Variants in GINS1 observed in about 807,000 individuals in gnomAD.
GINS1 encodes GINS complex subunit 1.
A neutral mutation model predicts 34.9 loss-of-function variants in GINS1; 26 were observed. That is an observed-to-expected ratio of 0.74 (90% confidence interval 0.55 to 1.03). The LOEUF (loss-of-function observed/expected upper bound fraction) is 1.03. Among genes scored for constraint, GINS1 ranks in the 50% least tolerant of loss-of-function variants. The probability of loss-of-function intolerance (pLI) is 0.00; values close to 1 mark genes in which losing one functional copy is unlikely to be tolerated. For synonymous variants in GINS1, 97 were observed against 84.4 expected, an observed-to-expected ratio of 1.15 and a Z score of -0.82; for missense variants, 235 against 237.9, an observed-to-expected ratio of 0.99 and a Z score of 0.08.
At chr20:25,411,405 G>A (rs958795947) in intron 1 of GINS1, 26 of 152,328 alleles carry the variant, frequency 1.7e-4, no homozygotes, top group African/African-American at 5.8e-4. Flanking sequence ...ATATGCCACA[G>A]CATTTTTGCC....
intron 6 of GINS1, among the ~76,000 whole-genome samples, 178 bp downstream of exon 6, chr20:25,441,954 G>A (rs1194777633): frequency 6.6e-6 from 1 of 152,086 alleles, no homozygotes; most frequent in Non-Finnish European, 1.5e-5. Flanking sequence ...AGCAAATGTT[G>A]CATATAATAA....
intron 4 of GINS1, among the ~76,000 whole-genome samples, chr20:25,423,893 C>T (rs1026271071): frequency 6.6e-6 from 1 of 151,706 alleles, no homozygotes; most frequent in African/African-American, 2.4e-5. Context: ...GGATTACAGG[C>T]GTGAGCCACC....
intron 3 of GINS1, 21 bp from the exon 4 acceptor site, chr20:25,418,084 A>G: frequency 7.2e-7 from 1 of 1,381,872 alleles, no homozygotes; most frequent in Non-Finnish European, 1.0e-6. Flanking sequence ...TATGCCACCC[A>G]ATACCTTCTT....
At position 25,416,920 on chromosome 20, in the gene GINS1, T is replaced by C. The variant is rs182158625; in HGVS notation, c.141-184T>C. ...GTAGCATGATCTTAGGCAAGTTGTTTAGGTTTTGGCTTTTTAACATATTAA... is the reference window on the plus strand; with the variant it reads ...GTAGCATGATCTTAGGCAAGTTGTTCAGGTTTTGGCTTTTTAACATATTAA... On this transcript the variant is annotated intron_variant, in intron 2 of 6. Transcript: ENST00000262460. Among the ~76,000 whole-genome samples, 28 of 152,312 alleles carry C rather than the reference T, an allele frequency of 1.8e-4. No individual in the cohort carries two copies. In the East Asian group the frequency reaches 4.8e-3, roughly 26 times the overall value.
rs796661178 is a variant in GINS1, at chr20:25,427,869, A to T, written c.447+2542A>T. 4.0e-3 allele frequency among the ~76,000 whole-genome samples: 373 copies of T among 94,056 alleles called. 2 individuals carry two copies. Among genetic ancestry groups the T allele is most frequent in the Middle Eastern group, 9.6e-3 (1 of 104 alleles). 61.7% of individuals were successfully genotyped at this position (94,056 alleles called of 152,430 possible). A position where few individuals can be genotyped will look rare whatever the true frequency, so the allele number is the denominator to read the frequency against. ...AAATTTTCATGCAGCCCAGTTCGTC[A>T]TTTTTTTTTTTTTTTTTTTGAGATG... is the stretch of plus-strand genomic sequence containing the variant. On this transcript the variant is annotated intron_variant, in intron 5 of 6. Coordinates refer to ENST00000262460, the MANE Select transcript of GINS1 (RefSeq NM_021067.5).
intron 5 of GINS1, among the ~76,000 whole-genome samples, chr20:25,439,150 A>G (rs1441816149): frequency 6.6e-6 from 1 of 152,158 alleles, no homozygotes; most frequent in East Asian, 1.9e-4. Flanking sequence ...GATCTTTATA[A>G]TGCATGAGTA....
chr20:25,444,886 C>A (rs2090502552), intron 6 of GINS1, among the ~76,000 whole-genome samples: 1 of 152,164 alleles, frequency 6.6e-6, no homozygotes, highest in South Asian at 2.1e-4. Context: ...TTGAGACATA[C>A]AGGAGGAAAG....
At chr20:25,434,723 G>C (rs1231979888) in intron 5 of GINS1, among the ~76,000 whole-genome samples, 1 of 152,152 alleles carries the variant, frequency 6.6e-6, no homozygotes, top group Non-Finnish European at 1.5e-5. Context: ...GGGATTATAG[G>C]CTTGAGCCAC....
chr20:25,410,621 G>T lies in GINS1; in HGVS notation c.75+2726G>T, dbSNP rs182443371. Among the ~76,000 whole-genome samples the T allele has an allele frequency of 4.5e-3, 692 of 152,110 alleles. 7 individuals are homozygous for T. Among genetic ancestry groups the T allele is most frequent in the African/African-American group, 0.016 (656 of 41,502 alleles). On this transcript the variant is annotated intron_variant, in intron 1 of 6. Transcript: ENST00000262460. ...CCTGTGGCCCAGGCTGGAGTGCAAT[G>T]GTGTGATCTCGGCTCACTGCAACCT...
At position 25,446,966 on chromosome 20, in the gene GINS1, C is replaced by A. The variant is rs945371632; in HGVS notation, c.*975C>A. The A allele has an allele frequency of 1.3e-5, 2 of 151,118 alleles. No individual in the cohort carries two copies. Among genetic ancestry groups the A allele is most frequent in the African/African-American group, 4.8e-5 (2 of 41,238 alleles). 9.4% of individuals were successfully genotyped at this position (151,118 alleles called of 1,614,324 possible). A position where few individuals can be genotyped will look rare whatever the true frequency, so the allele number is the denominator to read the frequency against. ...TCACAATTTTTTTTCCTTTTTACTT[C>A]TAGAAGTGTTATAATTTTAAGCTTT... On this transcript the variant is annotated 3_prime_UTR_variant, in exon 7 of 7. Coordinates refer to ENST00000262460, the MANE Select transcript of GINS1 (RefSeq NM_021067.5).
intron 2 of GINS1, among the ~76,000 whole-genome samples, chr20:25,416,748 C>T (rs2090323105): frequency 1.3e-5 from 2 of 152,304 alleles, no homozygotes; most frequent in Admixed American, 6.5e-5. Context: ...AGACCATAAC[C>T]TCATGTCCAT....
At chr20:25,416,070 A>C (rs888590388) in intron 2 of GINS1, among the ~76,000 whole-genome samples, 1 of 152,188 alleles carries the variant, frequency 6.6e-6, no homozygotes, top group Non-Finnish European at 1.5e-5. Flanking sequence ...ATGACACCAG[A>C]TGAGGTGTAA....
intron 1 of GINS1, 143 bp downstream of exon 1, chr20:25,408,038 G>A (rs2090258315): frequency 1.5e-6 from 1 of 660,346 alleles, no homozygotes; most frequent in African/African-American, 1.8e-5. Flanking sequence ...ACAAAATTCA[G>A]GAGGAAAGAG....
intron 1 of GINS1, among the ~76,000 whole-genome samples, chr20:25,412,398 AC>A (rs372592404): frequency 0.54 from 81,540 of 151,040 alleles, 22,548 homozygotes; most frequent in Admixed American, 0.61. Context: ...TACTAAAAAT[AC>A]AAAAAATTAG....
chr20:25,440,585 C>T (rs1039160631), intron 5 of GINS1, among the ~76,000 whole-genome samples: 4 of 151,940 alleles, frequency 2.6e-5, no homozygotes, highest in African/African-American at 9.7e-5. Flanking sequence ...CGGGGACAGG[C>T]AGATCACTTG....
chr20:25,419,647 C>A, intron 4 of GINS1: 2 of 771,484 alleles, frequency 2.6e-6, no homozygotes, highest in South Asian at 3.9e-5. Context: ...TTTTCTCATA[C>A]AATATTTTAG....
intron 5 of GINS1, among the ~76,000 whole-genome samples, chr20:25,436,183 C>T (rs999967559): frequency 6.6e-6 from 1 of 152,034 alleles, no homozygotes; most frequent in Non-Finnish European, 1.5e-5. Context: ...AACCTCTTGG[C>T]TTCAAGTGAT....
At chr20:25,408,905 A>G (rs979419674) in intron 1 of GINS1, 1 of 983,664 alleles carries the variant, frequency 1.0e-6, no homozygotes, top group African/African-American at 1.7e-5. Context: ...GTCAGGACAC[A>G]TTCTGCTGGA....
chr20:25,421,857 T>C (rs1001310837), intron 4 of GINS1, among the ~76,000 whole-genome samples: 1 of 152,198 alleles, frequency 6.6e-6, no homozygotes, highest in African/African-American at 2.4e-5. Context: ...TGTTACACTC[T>C]TCTCAGTGGA....
Sources: gnomAD v4.1 joint callset for allele counts (sites outside exome capture counted in the v4.1 genomes callset) on GRCh38, gnomAD v4.1.1 for gene constraint, MANE v1.5 for transcripts, NCBI Gene and HGNC (gene_info 2026-07-23, HGNC 2026-07-21) for gene names.